Variants in OR4K17 observed in about 807,000 individuals in gnomAD.
The protein encoded by OR4K17 is olfactory receptor family 4 subfamily K member 17.
For missense variants in OR4K17, 480 were observed against 366.3 expected, an observed-to-expected ratio of 1.31 and a Z score of -2.53; for synonymous variants, 157 against 132.8, an observed-to-expected ratio of 1.18 and a Z score of -1.25.
chr14:20,110,929 G>A (rs1877870620), intron 1 of OR4K17, 37 bp downstream of exon 1: 1 of 151,994 alleles, frequency 6.6e-6, no homozygotes, highest in African/African-American at 2.4e-5. Context: ...TAAAGCCAAT[G>A]TATTTGCCTG....
At chr14:20,117,411 C>T (rs562025396) in intron 1 of OR4K17, 57 bp from the exon 2 acceptor site, 1 of 1,577,856 alleles carries the variant, frequency 6.3e-7, no homozygotes, top group Non-Finnish European at 8.6e-7. Context: ...TTTCATATGG[C>T]TCTTTATTTT....
rs150827316 is a variant in OR4K17 at position 20,118,142 on chromosome 14, C to A, written c.643C>A (p.Leu215Ile). ...CTCCCTGAGCTGTTTCATTATTTTG[C>A]TTATCTCCTACAGTCTGATCCTCAT... ...IISLSCFIILLISYSLILITI... is the reference protein window; with the variant it reads ...IISLSCFIILIISYSLILITI... Residue 215 changes from leucine (L) to isoleucine (I), a missense_variant, in exon 2 of 2, where the codon CTT becomes ATT. Coordinates refer to ENST00000641386, the MANE Select transcript of OR4K17 (RefSeq NM_001004715.5). 2 of 1,614,044 alleles carry A rather than the reference C, an allele frequency of 1.2e-6. No homozygotes were observed. The highest frequency in any genetic ancestry group is 2.2e-5 in the East Asian group (1 of 44,870).
chr14:20,117,472 T>C lies in OR4K17; in HGVS notation c.-28T>C, dbSNP rs1878021075. The C allele has an allele frequency of 1.2e-6, 2 of 1,613,646 alleles. No individual in the cohort carries two copies. The highest frequency in any genetic ancestry group is 2.2e-5 in the East Asian group (1 of 44,864). On this transcript the variant is annotated 5_prime_UTR_variant, in exon 2 of 2. Coordinates refer to ENST00000641386, the MANE Select transcript of OR4K17 (RefSeq NM_001004715.5). Reference sequence around the variant, plus strand: ...ATCTTTTCTTTCTCTCTACAGGTCATCCAAGAGCGAGCTGTAGGATGGAGG... The same window carrying C: ...ATCTTTTCTTTCTCTCTACAGGTCACCCAAGAGCGAGCTGTAGGATGGAGG...
In OR4K17 at chr14:20,121,011, A is replaced by G. The variant is rs1158116482; in HGVS notation, c.*2573A>G. On this transcript the variant is annotated 3_prime_UTR_variant, in exon 2 of 2. Transcript: ENST00000641386. The stretch of plus-strand genomic sequence containing the variant: ...TGCCAACCTCAGCTGGAGGAGCTAC[A>G]CAAACACGACACTGCTGCACCTTCA... 6.6e-6 allele frequency: 1 copy of G among 152,274 alleles called. No homozygotes were observed. The highest frequency in any genetic ancestry group is 1.5e-5 in the Non-Finnish European group (1 of 68,098). The allele number at this position is 152,274 out of a possible 1,614,324, so 9.4% of individuals were successfully genotyped here. A position where few individuals can be genotyped will look rare whatever the true frequency, so the allele number is the denominator to read the frequency against.
In OR4K17 at chr14:20,119,570, G is replaced by C; in HGVS notation, c.*1132G>C. ...ACGGCTTCAGCAGGTCCCTCTGTTC[G>C]GGGTCCCTGACTTCCCGCAACAGAG... On this transcript the variant is annotated 3_prime_UTR_variant, in exon 2 of 2. Transcript: ENST00000641386. 1 of 152,478 alleles carries C rather than the reference G, an allele frequency of 6.6e-6. No individual in the cohort carries two copies. Among genetic ancestry groups the C allele is most frequent in the South Asian group, 1.9e-4 (1 of 5,134 alleles). 9.4% of individuals were successfully genotyped at this position (152,478 alleles called of 1,614,324 possible). A position where few individuals can be genotyped will look rare whatever the true frequency, so the allele number is the denominator to read the frequency against.
At chr14:20,116,152 G>A (rs1877986818) in intron 1 of OR4K17, among the ~76,000 whole-genome samples, 1 of 152,096 alleles carries the variant, frequency 6.6e-6, no homozygotes, top group Admixed American at 6.6e-5. Context: ...TGGAGACAAA[G>A]GTGGCTCTCA....
At position 20,117,727 on chromosome 14, in the gene OR4K17, T is replaced by C. The variant is rs767239051; in HGVS notation, c.228T>C (p.Phe76=). The C allele has an allele frequency of 6.2e-7, 1 of 1,614,114 alleles. No homozygotes were observed. The change falls in exon 2 of 2, where the codon TTT becomes TTC. Residue 76 remains phenylalanine, a synonymous_variant. Coordinates refer to ENST00000641386, the MANE Select transcript of OR4K17 (RefSeq NM_001004715.5). The part of the protein sequence containing the change: ...LSFVDMTLAS[F]ATPKVILNLL... The stretch of plus-strand genomic sequence containing the variant: ...TTGTAGATATGACCCTTGCTTCTTT[T>C]GCCACCCCTAAGGTGATTCTGAACT...
At chr14:20,112,292 A>G (rs1025092389) in intron 1 of OR4K17, among the ~76,000 whole-genome samples, 7 of 152,062 alleles carry the variant, frequency 4.6e-5, no homozygotes, top group Non-Finnish European at 8.8e-5. Flanking sequence ...AGCACAGTCA[A>G]TATCTTGGCC....
rs1878107180 is a variant in OR4K17 at position 20,119,502 on chromosome 14, TAATA to T, written c.*1068_*1071del. ...TTATACAAATATTAATTTGGGGAAC[TAATA>T]AATGTCCATGAAATCTTCAAAATTT... On this transcript the variant is annotated 3_prime_UTR_variant, in exon 2 of 2. Transcript: ENST00000641386. 1 of 152,234 alleles carries T rather than the reference TAATA, an allele frequency of 6.6e-6. No homozygotes were observed. The highest frequency in any genetic ancestry group is 6.5e-5 in the Admixed American group (1 of 15,276). 9.4% of individuals were successfully genotyped at this position (152,234 alleles called of 1,614,324 possible). A position where few individuals can be genotyped will look rare whatever the true frequency, so the allele number is the denominator to read the frequency against.
Position 20,118,663 on chromosome 14 carries a change from G to GC in OR4K17, c.*231dup, listed in dbSNP as rs1049390843. On this transcript the variant is annotated 3_prime_UTR_variant, in exon 2 of 2. Coordinates refer to ENST00000641386, the MANE Select transcript of OR4K17 (RefSeq NM_001004715.5). ...ATCACATGTCAGCGGGTTCCGTGAT[G>GC]CCCCCCAAGCTGCAAAACCAGCAAG... 5.4e-5 allele frequency: 19 copies of GC among 351,334 alleles called. No homozygotes were observed. Among genetic ancestry groups the GC allele is most frequent in the African/African-American group, 2.8e-4 (13 of 46,996 alleles). The allele number at this position is 351,334 out of a possible 1,614,324, so 21.8% of individuals were successfully genotyped here. A position where few individuals can be genotyped will look rare whatever the true frequency, so the allele number is the denominator to read the frequency against.
Position 20,121,887 on chromosome 14 carries a change from A to T in OR4K17, c.*3449A>T, listed in dbSNP as rs1216949179. 1 of 152,116 alleles carries T rather than the reference A, an allele frequency of 6.6e-6. No individual in the cohort carries two copies. Among genetic ancestry groups the T allele is most frequent in the Non-Finnish European group, 1.5e-5 (1 of 67,978 alleles). The allele number at this position is 152,116 out of a possible 1,614,324, so 9.4% of individuals were successfully genotyped here. A position where few individuals can be genotyped will look rare whatever the true frequency, so the allele number is the denominator to read the frequency against. ...TAAATAAATAACAGCACAACAATAA[A>T]AATAATACAAAATTTTAAAACAAGT... On this transcript the variant is annotated 3_prime_UTR_variant, in exon 2 of 2. Transcript: ENST00000641386.
At chr14:20,115,374 T>C (rs1877966316) in intron 1 of OR4K17, among the ~76,000 whole-genome samples, 1 of 152,102 alleles carries the variant, frequency 6.6e-6, no homozygotes, top group Admixed American at 6.6e-5. Flanking sequence ...TTTGTATGTA[T>C]ATGCTTATAC....
Position 20,117,449 on chromosome 14 carries a change from CT to C in OR4K17, c.-32-15del. ...ACTCATACTCCATGGTATGAGTGAT[CT>C]TTTCTTTCTCTCTACAGGTCATCCA... On this transcript the variant is annotated intron_variant, in intron 1 of 1. Transcript: ENST00000641386. 1 of 1,611,342 alleles carries C rather than the reference CT, an allele frequency of 6.2e-7. No homozygotes were observed. The highest frequency in any genetic ancestry group is 1.1e-5 in the South Asian group (1 of 90,450).
intron 1 of OR4K17, among the ~76,000 whole-genome samples, chr14:20,113,729 G>A (rs1205491895): frequency 6.6e-6 from 1 of 151,882 alleles, no homozygotes; most frequent in Non-Finnish European, 1.5e-5. Context: ...TGCTTGGAGT[G>A]ACTATATCAT....
At position 20,120,729 on chromosome 14, in the gene OR4K17, A is replaced by G. The variant is rs1475159262; in HGVS notation, c.*2291A>G. 6.6e-6 allele frequency: 1 copy of G among 152,262 alleles called. No homozygotes were observed. The highest frequency in any genetic ancestry group is 6.5e-5 in the Admixed American group (1 of 15,274). The allele number at this position is 152,262 out of a possible 1,614,324, so 9.4% of individuals were successfully genotyped here. On this transcript the variant is annotated 3_prime_UTR_variant, in exon 2 of 2. Coordinates refer to ENST00000641386, the MANE Select transcript of OR4K17 (RefSeq NM_001004715.5). ...ACAGATCTATAGTACCTCCATTCAT[A>G]CCTGCGCTTATGGCTCCAGATCCAT...
rs746286935 is a variant in OR4K17, at chr14:20,117,636, T to C, written c.137T>C (p.Ile46Thr). The C allele has an allele frequency of 2.5e-6, 4 of 1,613,812 alleles. No homozygotes were observed. In the South Asian group the frequency reaches 3.3e-5, roughly 13 times the overall value. The change falls in exon 2 of 2, where the codon ATA (isoleucine) becomes ACA (threonine). Residue 46 changes from isoleucine (I) to threonine (T), a missense_variant. Physicochemically the swap from Ile to Thr is moderately conservative, Grantham distance 89. Transcript: ENST00000641386. The part of the protein sequence containing the change: ...VVTVLGNLLI[I>T]VTVFNTPNLN... ...ACAGTTTTGGGTAACCTTCTTATTA[T>C]AGTCACAGTGTTTAACACCCCTAAC...
rs1952663703 is a variant in OR4K17, at chr14:20,121,740, A to G, written c.*3302A>G. ...AGAAAAGGAAGGGAACAAAGAGTGT[A>G]AAAAATAACCAGAAAACAATTAATA... On this transcript the variant is annotated 3_prime_UTR_variant, in exon 2 of 2. Transcript: ENST00000641386. 6.6e-6 allele frequency: 1 copy of G among 152,146 alleles called. No individual in the cohort carries two copies. Among genetic ancestry groups the G allele is most frequent in the Admixed American group, 6.5e-5 (1 of 15,270 alleles). 9.4% of individuals were successfully genotyped at this position (152,146 alleles called of 1,614,324 possible). A position where few individuals can be genotyped will look rare whatever the true frequency, so the allele number is the denominator to read the frequency against.
rs1201299659 is a variant in OR4K17, at chr14:20,121,642, AT to A, written c.*3205del. ...TAGAGCATTTACAAAAACAAAAAAA[AT>A]AAAAAATCAAAGCATATGCTGGAGA... On this transcript the variant is annotated 3_prime_UTR_variant, in exon 2 of 2. Coordinates refer to ENST00000641386, the MANE Select transcript of OR4K17 (RefSeq NM_001004715.5). 1.3e-5 allele frequency: 2 copies of A among 152,094 alleles called. No individual in the cohort carries two copies. Among genetic ancestry groups the A allele is most frequent in the East Asian group, 1.9e-4 (1 of 5,194 alleles). The allele number at this position is 152,094 out of a possible 1,614,324, so 9.4% of individuals were successfully genotyped here. A position where few individuals can be genotyped will look rare whatever the true frequency, so the allele number is the denominator to read the frequency against.
At chr14:20,111,400 G>A (rs1278689305) in intron 1 of OR4K17, among the ~76,000 whole-genome samples, 1 of 151,958 alleles carries the variant, frequency 6.6e-6, no homozygotes, top group Non-Finnish European at 1.5e-5. Context: ...TGAACAGAAC[G>A]AGTCAGAAAA....
Sources: allele counts gnomAD v4.1 joint callset (sites outside exome capture counted in the v4.1 genomes callset), GRCh38; gene constraint gnomAD v4.1.1; transcripts MANE v1.5; gene names NCBI Gene and HGNC (gene_info 2026-07-23, HGNC 2026-07-21).